The following CPEB4 variants were observed in gnomAD, a reference collection of about 807,000 sequenced individuals.
The protein encoded by CPEB4 is cytoplasmic polyadenylation element-binding protein 4.
A neutral mutation model predicts 72.5 loss-of-function variants in CPEB4; 12 were observed. The ratio of observed to expected loss-of-function variants is 0.17; its 90% CI spans 0.11 to 0.27. CPEB4 has a LOEUF of 0.27. Ranked by LOEUF, CPEB4 falls within the 10% of genes least tolerant of loss-of-function variation. The pLI, the probability that CPEB4 is intolerant of heterozygous loss-of-function variation, is 1.00. For synonymous variants in CPEB4, 302 were observed against 326.3 expected (o/e 0.93, Z 0.80); for missense variants, 614 against 908.5 (o/e 0.68, Z 4.17).
At position 173,890,619 on chromosome 5, in the gene CPEB4, T is replaced by C. The variant is rs1195732856; in HGVS notation, c.886T>C (p.Ser296Pro). Residue 296 changes from serine (S) to proline (P), a missense_variant, in exon 1 of 10, where the codon TCC (serine) becomes CCC (proline). Physicochemically the swap from Ser to Pro is moderately conservative, Grantham distance 74. This residue lies in a region of CPEB4 where 458 missense variants were observed against 548.6 expected (regional missense o/e 0.83). Coordinates refer to ENST00000265085, the MANE Select transcript of CPEB4 (RefSeq NM_030627.4). Reference protein sequence around the residue: ...SSYQSPSPTPSSSWSPGGGGY... With the variant: ...SSYQSPSPTPPSSWSPGGGGY... Reference sequence around the variant, plus strand: ...CTACCAGAGTCCGTCACCAACACCCTCCTCTTCCTGGAGCCCGGGCGGTGG... The same window carrying C: ...CTACCAGAGTCCGTCACCAACACCCCCCTCTTCCTGGAGCCCGGGCGGTGG... 6.2e-7 allele frequency: 1 copy of C among 1,613,816 alleles called. No homozygotes were observed. The highest frequency in any genetic ancestry group is 1.1e-5 in the South Asian group (1 of 91,060).
intron 2 of CPEB4, among the ~76,000 whole-genome samples, chr5:173,912,346 C>T (rs1388914390): frequency 6.6e-6 from 1 of 152,138 alleles, no homozygotes; most frequent in African/African-American, 2.4e-5. Context: ...TGAATAAGGT[C>T]TGTGGGTTGT....
chr5:173,956,171 A>G lies in CPEB4; in HGVS notation c.*34A>G. On this transcript the variant is annotated 3_prime_UTR_variant, in exon 10 of 10. Coordinates refer to ENST00000265085, the MANE Select transcript of CPEB4 (RefSeq NM_030627.4). ...TGCAGTGCTCATTTTCAGGCCTCAG[A>G]ATAAGTGCACTCTTCTGTTCATTCT... 5 of 1,549,640 alleles carry G rather than the reference A, an allele frequency of 3.2e-6. No homozygotes were observed. The South Asian group carries it at 3.3e-5, about 10-fold the overall frequency.
intron 2 of CPEB4, among the ~76,000 whole-genome samples, chr5:173,919,165 TAG>T (rs1181355914): frequency 6.6e-5 from 10 of 152,156 alleles, no homozygotes; most frequent in Admixed American, 4.6e-4. Context: ...GATAAAAACT[TAG>T]AGATAAATAA....
intron 3 of CPEB4, among the ~76,000 whole-genome samples, chr5:173,933,128 A>G (rs190491226): frequency 3.7e-4 from 57 of 152,310 alleles, no homozygotes; most frequent in African/African-American, 1.2e-3. Flanking sequence ...CATGGTCTAA[A>G]ACAATTGGGT....
rs1435495367 is a variant in CPEB4 at position 173,901,192 on chromosome 5, A to T, written c.1126-9331A>T. Among the ~76,000 whole-genome samples, 9 of 152,208 alleles carry T rather than the reference A, an allele frequency of 5.9e-5. 1 individual carries two copies. The East Asian group carries it at 1.7e-3, about 29-fold the overall frequency. ...TCAAAATGAATGTGATTTATTTAGT[A>T]AAGGTGCAATAAAAAATGTTCTCAG... is the stretch of plus-strand genomic sequence containing the variant. On this transcript the variant is annotated intron_variant, in intron 1 of 9. Coordinates refer to ENST00000265085, the MANE Select transcript of CPEB4 (RefSeq NM_030627.4).
At chr5:173,951,621 A>G (rs1353708375) in intron 7 of CPEB4, among the ~76,000 whole-genome samples, 1 of 152,232 alleles carries the variant, frequency 6.6e-6, no homozygotes, top group Non-Finnish European at 1.5e-5. Context: ...ATCAAATTGA[A>G]CTTTCCACCT....
chr5:173,893,036 T>TGTGTGTGTGTGAGA (rs55993382), intron 1 of CPEB4: 29 of 100,974 alleles, frequency 2.9e-4, no homozygotes, highest in African/African-American at 9.1e-4. Context: ...TGTGTGTGTG[T>TGTGTGTGTGTGAGA]GAGAGAGAGA....
In CPEB4 at chr5:173,950,247, G is replaced by T. The variant is rs1758169478; in HGVS notation, c.1665+169G>T. Among the ~76,000 whole-genome samples the T allele has an allele frequency of 6.6e-6, 1 of 152,162 alleles. No homozygotes were observed. The highest frequency in any genetic ancestry group is 1.5e-5 in the Non-Finnish European group (1 of 68,026). On this transcript the variant is annotated intron_variant, in intron 7 of 9. Coordinates refer to ENST00000265085, the MANE Select transcript of CPEB4 (RefSeq NM_030627.4). This position sits in a 1 kb window ranked among gnomAD's most constrained non-coding sequence, Gnocchi z 5.0. ...CTTAACATTGACATTCTGTGTATTT[G>T]CACATCTCAATTTGACATCGAATTT...
intron 3 of CPEB4, among the ~76,000 whole-genome samples, chr5:173,937,723 CATT>C (rs1757680227): frequency 6.6e-6 from 1 of 152,084 alleles, no homozygotes; most frequent in Non-Finnish European, 1.5e-5. Flanking sequence ...TTGTGTTTTT[CATT>C]ATTCTCTCAT....
chr5:173,957,934 TAAAG>T lies in CPEB4; in HGVS notation c.*1800_*1803del, dbSNP rs1336254105. On this transcript the variant is annotated 3_prime_UTR_variant, in exon 10 of 10. Coordinates refer to ENST00000265085, the MANE Select transcript of CPEB4 (RefSeq NM_030627.4). The stretch of plus-strand genomic sequence containing the variant: ...TCAAACATAGAAAGGGAGCTGCTTT[TAAAG>T]AATTCCCTGCAAATACTGAAAGCAG... 1 of 152,814 alleles carries T rather than the reference TAAAG, an allele frequency of 6.5e-6. No homozygotes were observed. Among genetic ancestry groups the T allele is most frequent in the East Asian group, 1.9e-4 (1 of 5,342 alleles). 9.5% of individuals were successfully genotyped at this position (152,814 alleles called of 1,614,324 possible).
chr5:173,897,896 T>C (rs1756080356), intron 1 of CPEB4, among the ~76,000 whole-genome samples: 1 of 152,198 alleles, frequency 6.6e-6, no homozygotes, highest in African/African-American at 2.4e-5. Context: ...ATTTACATTC[T>C]ATGACAAAAT....
intron 5 of CPEB4, 124 bp downstream of exon 5, chr5:173,945,264 T>G: frequency 1.3e-6 from 1 of 752,612 alleles, no homozygotes; most frequent in East Asian, 2.6e-5. Context: ...ATTGTTCTCT[T>G]GTCCTATCCT....
intron 5 of CPEB4, among the ~76,000 whole-genome samples, chr5:173,945,883 G>T (rs188075075): frequency 6.6e-6 from 1 of 152,296 alleles, no homozygotes; most frequent in South Asian, 2.1e-4. Flanking sequence ...CTATTCATCC[G>T]TGGGTCTGAG....
chr5:173,943,507 T>C (rs1344816229), intron 4 of CPEB4, among the ~76,000 whole-genome samples: 1 of 152,186 alleles, frequency 6.6e-6, no homozygotes, highest in Non-Finnish European at 1.5e-5. Flanking sequence ...TAAAATGAGA[T>C]GAGCTAAATA....
chr5:173,890,519 A>T lies in CPEB4; in HGVS notation c.786A>T (p.Thr262=). 7 of 1,613,850 alleles carry T rather than the reference A, an allele frequency of 4.3e-6. No individual in the cohort carries two copies. The highest frequency in any genetic ancestry group is 5.9e-6 in the Non-Finnish European group (7 of 1,179,948). The change falls in exon 1 of 10, where the codon ACA becomes ACT. Residue 262 remains threonine, a synonymous_variant. Transcript: ENST00000265085. ...CCAGTCCCCATCCCCCACCCTTCACACATAGAAATGCTGCTTTTAACCAGC... is the reference window on the plus strand; with the variant it reads ...CCAGTCCCCATCCCCCACCCTTCACTCATAGAAATGCTGCTTTTAACCAGC... ...SPASPHPPPF[T]HRNAAFNQLP...
At chr5:173,913,866 G>C (rs1756768585) in intron 2 of CPEB4, among the ~76,000 whole-genome samples, 1 of 152,204 alleles carries the variant, frequency 6.6e-6, no homozygotes, top group East Asian at 1.9e-4. Flanking sequence ...ACTACAGTCT[G>C]TGGTGGCTGT....
At chr5:173,913,130 T>G (rs946715473) in intron 2 of CPEB4, among the ~76,000 whole-genome samples, 1 of 151,928 alleles carries the variant, frequency 6.6e-6, no homozygotes, top group Non-Finnish European at 1.5e-5. Flanking sequence ...CAACTTGTTA[T>G]GTGACATTTT....
intron 3 of CPEB4, among the ~76,000 whole-genome samples, chr5:173,941,224 A>G (rs1757826410): frequency 6.6e-6 from 1 of 152,174 alleles, no homozygotes; most frequent in Admixed American, 6.5e-5. Context: ...AGTTGTATGA[A>G]TAGAATGTTC....
rs1756197562 is a variant in CPEB4, at chr5:173,900,620, T to G, written c.1125+9762T>G. On this transcript the variant is annotated intron_variant, in intron 1 of 9. Coordinates refer to ENST00000265085, the MANE Select transcript of CPEB4 (RefSeq NM_030627.4). This position sits in a 1 kb window ranked among gnomAD's most constrained non-coding sequence, Gnocchi z 4.4. ...AGTTTATTAGGGAGAAGTCTTATAC[T>G]GATAGTTTTGGGGTCATAGGTTTGA... Among the ~76,000 whole-genome samples, 1 of 152,232 alleles carries G rather than the reference T, an allele frequency of 6.6e-6. No homozygotes were observed. The highest frequency in any genetic ancestry group is 1.5e-5 in the Non-Finnish European group (1 of 68,036).
Sources: allele counts gnomAD v4.1 joint callset (sites outside exome capture counted in the v4.1 genomes callset), GRCh38; gene constraint gnomAD v4.1.1; regional missense constraint gnomAD v4.1.1; non-coding constraint Gnocchi (gnomAD v3.1); transcripts MANE v1.5; gene names NCBI Gene and HGNC (gene_info 2026-07-23, HGNC 2026-07-21).